Variants in MSRA observed in about 807,000 individuals in gnomAD.
MSRA encodes the protein mitochondrial peptide methionine sulfoxide reductase.
MSRA carries 54 observed loss-of-function variants against 31.3 expected under a neutral mutation model. The ratio of observed to expected loss-of-function variants is 1.73; its 90% CI spans 1.39 to 2.17. The LOEUF is 2.17. Among genes scored for constraint, MSRA ranks in the 30% most tolerant of loss-of-function variants. The probability of loss-of-function intolerance (pLI) is 0.00; values close to 1 mark genes in which losing one functional copy is unlikely to be tolerated. For synonymous variants in MSRA, 169 were observed against 116.5 expected (o/e 1.45, Z -2.90); for missense variants, 507 against 300.9 (o/e 1.69, Z -5.07).
chr8:10,186,306 C>T (rs888744299), intron 1 of MSRA, among the ~76,000 whole-genome samples: 1 of 152,118 alleles, frequency 6.6e-6, no homozygotes, highest in Admixed American at 6.5e-5. Context: ...CTTTGCAGGC[C>T]ATACGGTTCC....
At chr8:10,279,056 TGG>T (rs1027202543) in intron 3 of MSRA, among the ~76,000 whole-genome samples, 3 of 152,350 alleles carry the variant, frequency 2.0e-5, no homozygotes, top group Admixed American at 6.5e-5. Context: ...ATTGATTATC[TGG>T]GCATCATGCA....
At chr8:10,062,694 G>A (rs1797267076) in intron 1 of MSRA, among the ~76,000 whole-genome samples, 1 of 152,156 alleles carries the variant, frequency 6.6e-6, no homozygotes, top group Admixed American at 6.5e-5. Context: ...GGAAGCATCG[G>A]GGTTTGGGGG....
At chr8:10,263,875 C>T (rs1046472578) in intron 3 of MSRA, among the ~76,000 whole-genome samples, 3 of 152,202 alleles carry the variant, frequency 2.0e-5, no homozygotes, top group African/African-American at 7.2e-5. Context: ...ATACAGAACA[C>T]ATTACAAAAC....
chr8:10,384,659 C>T (rs554989472), intron 5 of MSRA, among the ~76,000 whole-genome samples: 1 of 152,296 alleles, frequency 6.6e-6, no homozygotes, highest in African/African-American at 2.4e-5. Context: ...GGGCTGAGAA[C>T]TGTTGCACTA....
At chr8:10,287,703 T>G (rs879487890) in intron 3 of MSRA, among the ~76,000 whole-genome samples, 1 of 152,186 alleles carries the variant, frequency 6.6e-6, no homozygotes, top group Admixed American at 6.6e-5. Context: ...AGGCACGTAG[T>G]CTAGCTGAAT....
intron 5 of MSRA, among the ~76,000 whole-genome samples, chr8:10,407,326 A>G (rs984098606): frequency 7.9e-5 from 12 of 152,184 alleles, no homozygotes; most frequent in Admixed American, 1.3e-4. Flanking sequence ...GGTAGATTTT[A>G]GGGTCATGAC....
chr8:10,172,541 T>C (rs921183703), intron 1 of MSRA, among the ~76,000 whole-genome samples: 4 of 152,140 alleles, frequency 2.6e-5, no homozygotes, highest in Non-Finnish European at 4.4e-5. Flanking sequence ...TTAGGGAATA[T>C]GCCAATTAGA....
intron 2 of MSRA, among the ~76,000 whole-genome samples, chr8:10,210,030 C>G (rs1324781008): frequency 1.3e-5 from 2 of 152,138 alleles, no homozygotes; most frequent in African/African-American, 2.4e-5. Context: ...ATGATCCTCA[C>G]TTTCTATCAC....
chr8:10,125,425 G>A (rs2129020388), intron 1 of MSRA, among the ~76,000 whole-genome samples: 1 of 152,264 alleles, frequency 6.6e-6, no homozygotes, highest in Middle Eastern at 3.4e-3. Flanking sequence ...GAAGAAGAGG[G>A]GAGAGAAGGG....
chr8:10,095,093 A>G (rs529631512), intron 1 of MSRA, among the ~76,000 whole-genome samples: 2 of 152,368 alleles, frequency 1.3e-5, no homozygotes, highest in Middle Eastern at 3.4e-3. Flanking sequence ...TTTAATCTGC[A>G]TGCCTCCGTT....
intron 1 of MSRA, among the ~76,000 whole-genome samples, chr8:10,087,628 G>A (rs1052024944): frequency 6.6e-5 from 10 of 152,170 alleles, no homozygotes; most frequent in African/African-American, 2.4e-4. Context: ...GGGCTAGGTA[G>A]GTCTGTTCTT....
At chr8:10,119,681 C>T (rs1043559754) in intron 1 of MSRA, among the ~76,000 whole-genome samples, 1 of 152,140 alleles carries the variant, frequency 6.6e-6, no homozygotes, top group African/African-American at 2.4e-5. Flanking sequence ...TGGAGAGCAC[C>T]AGGTTGTCAG....
intron 4 of MSRA, among the ~76,000 whole-genome samples, chr8:10,314,237 C>A (rs558108904): frequency 5.3e-5 from 8 of 151,538 alleles, no homozygotes; most frequent in Non-Finnish European, 1.2e-4. Flanking sequence ...TAAAAAATAA[C>A]AAATTGCCAA....
At chr8:10,253,920 A>G (rs1240127074) in intron 3 of MSRA, among the ~76,000 whole-genome samples, 1 of 152,066 alleles carries the variant, frequency 6.6e-6, no homozygotes, top group Non-Finnish European at 1.5e-5. Flanking sequence ...TGCCAAGTGA[A>G]AATTGCAACA....
intron 1 of MSRA, among the ~76,000 whole-genome samples, chr8:10,164,784 A>C (rs914804227): frequency 3.3e-5 from 5 of 152,312 alleles, no homozygotes; most frequent in East Asian, 3.9e-4. Context: ...TAATCCCAGC[A>C]CTTTGGGAGA....
At position 10,132,144 on chromosome 8, in the gene MSRA, A is replaced by G. The variant is rs1400354205; in HGVS notation, c.143-75689A>G. On this transcript the variant is annotated intron_variant, in intron 1 of 5. Coordinates refer to ENST00000317173, the MANE Select transcript of MSRA (RefSeq NM_012331.5). ...TGATTGCTAATTTTAATTTATCTGA[A>G]CCGTGCTTTTCAATGAGGTGATATT... 2.0e-5 allele frequency among the ~76,000 whole-genome samples: 3 copies of G among 151,992 alleles called. 1 individual carries two copies. In the Middle Eastern group the frequency reaches 0.01, roughly 521 times the overall value.
At chr8:10,265,689 C>T (rs1028963740) in intron 3 of MSRA, among the ~76,000 whole-genome samples, 6 of 152,196 alleles carry the variant, frequency 3.9e-5, no homozygotes, top group African/African-American at 1.2e-4. Flanking sequence ...AAGCCCTCAC[C>T]ACAGTCAAGA....
intron 5 of MSRA, among the ~76,000 whole-genome samples, chr8:10,346,016 T>A (rs140281691): frequency 3.6e-4 from 55 of 151,704 alleles, no homozygotes; most frequent in African/African-American, 1.3e-3. Flanking sequence ...CCTAGTGTTT[T>A]TGTTTATTTG....
At chr8:10,157,632 A>G (rs1002617176) in intron 1 of MSRA, among the ~76,000 whole-genome samples, 4 of 151,990 alleles carry the variant, frequency 2.6e-5, no homozygotes, top group Non-Finnish European at 5.9e-5. Context: ...ACACTCTAAA[A>G]TAATAATAAT....
Sources: gnomAD v4.1 joint callset for allele counts (sites outside exome capture counted in the v4.1 genomes callset) on GRCh38, gnomAD v4.1.1 for gene constraint, MANE v1.5 for transcripts, NCBI Gene and HGNC (gene_info 2026-07-23, HGNC 2026-07-21) for gene names.